The following CRPPA variants were observed in gnomAD, a reference collection of about 807,000 sequenced individuals.
CRPPA encodes D-ribitol-5-phosphate cytidylyltransferase.
Under a neutral mutation model 52.0 loss-of-function variants are expected in CRPPA, and 43 were observed. That is an observed-to-expected ratio of 0.83 (90% CI 0.65 to 1.07). CRPPA has a LOEUF of 1.07. Ranked by LOEUF, CRPPA falls within the 50% of genes least tolerant of loss-of-function variation. CRPPA has a pLI of 0.00. For synonymous variants in CRPPA, 250 were observed against 203.5 expected (o/e 1.23, Z -1.94); for missense variants, 629 against 551.7 (o/e 1.14, Z -1.40).
intron 8 of CRPPA, among the ~76,000 whole-genome samples, chr7:16,217,569 G>C (rs1295626441): frequency 2.0e-4 from 29 of 141,988 alleles, no homozygotes; most frequent in African/African-American, 6.3e-4. Context: ...TGTATAACTA[G>C]AATAACCAAT....
chr7:16,161,556 T>C (rs974029989), intron 9 of CRPPA, among the ~76,000 whole-genome samples: 6 of 152,248 alleles, frequency 3.9e-5, no homozygotes, highest in Non-Finnish European at 1.5e-5. Context: ...GGTGGATAAG[T>C]TTTTTAATGT....
intron 8 of CRPPA, among the ~76,000 whole-genome samples, chr7:16,227,768 T>C (rs539675807): frequency 3.9e-5 from 6 of 151,986 alleles, no homozygotes; most frequent in Non-Finnish European, 1.5e-5. Flanking sequence ...ATTTGTCTAT[T>C]TTTGCTTTCG....
At position 16,091,676 on chromosome 7, in the gene CRPPA, A is replaced by G. The variant is rs768619171; in HGVS notation, c.*19T>C. The G allele has an allele frequency of 3.7e-6, 5 of 1,363,698 alleles. No individual in the cohort carries two copies. Among genetic ancestry groups the G allele is most frequent in the African/African-American group, 1.4e-5 (1 of 69,080 alleles). The allele number at this position is 1,363,698 out of a possible 1,614,324, so 84.5% of individuals were successfully genotyped here. ...TACGCAAATAGATGTTTTAGAAAAT[A>G]GGTAATTTTTTGTGTTCTTCATGCT... On this transcript the variant is annotated 3_prime_UTR_variant, in exon 10 of 10. Coordinates refer to ENST00000407010, the MANE Select transcript of CRPPA (RefSeq NM_001101426.4).
At chr7:16,363,050 G>A (rs1048626119) in intron 3 of CRPPA, among the ~76,000 whole-genome samples, 4 of 152,090 alleles carry the variant, frequency 2.6e-5, no homozygotes, top group African/African-American at 9.7e-5. Flanking sequence ...GGAAAAAAGA[G>A]AAAGCCTAGA....
At chr7:16,400,878 G>A (rs1787798768) in intron 2 of CRPPA, among the ~76,000 whole-genome samples, 1 of 152,194 alleles carries the variant, frequency 6.6e-6, no homozygotes, top group Admixed American at 6.5e-5. Context: ...GGATACAACT[G>A]CTAAATGAAG....
intron 3 of CRPPA, among the ~76,000 whole-genome samples, chr7:16,310,534 T>C (rs937345779): frequency 1.3e-5 from 2 of 152,084 alleles, no homozygotes; most frequent in Non-Finnish European, 2.9e-5. Context: ...AAACTATTAA[T>C]AGATCTAGGA....
At chr7:16,199,059 C>T (rs753595151) in intron 9 of CRPPA, among the ~76,000 whole-genome samples, 6 of 152,090 alleles carry the variant, frequency 3.9e-5, no homozygotes, top group Non-Finnish European at 8.8e-5. Flanking sequence ...CACTGACCAA[C>T]CCTTTGTAAT....
At chr7:16,105,534 C>A (rs192406179) in intron 9 of CRPPA, among the ~76,000 whole-genome samples, 1 of 152,156 alleles carries the variant, frequency 6.6e-6, no homozygotes, top group Non-Finnish European at 1.5e-5. Context: ...ATGACTACAC[C>A]ACTTGGGATC....
At chr7:16,093,884 T>C (rs191321236) in intron 9 of CRPPA, among the ~76,000 whole-genome samples, 3 of 152,286 alleles carry the variant, frequency 2.0e-5, no homozygotes, top group Middle Eastern at 3.4e-3. Context: ...TTTATTAAAT[T>C]GAGACATAAC....
At chr7:16,412,333 A>C (rs1788092534) in intron 1 of CRPPA, among the ~76,000 whole-genome samples, 1 of 152,238 alleles carries the variant, frequency 6.6e-6, no homozygotes. Context: ...TGCGTAGCAC[A>C]GAGATAGGTT....
chr7:16,170,550 T>C (rs1781158899), intron 9 of CRPPA, among the ~76,000 whole-genome samples: 2 of 152,210 alleles, frequency 1.3e-5, no homozygotes, highest in African/African-American at 4.8e-5. Context: ...GCAAGATTTA[T>C]TGCAAAGAGC....
chr7:16,099,172 G>A (rs538189323), intron 9 of CRPPA, among the ~76,000 whole-genome samples: 1 of 151,682 alleles, frequency 6.6e-6, no homozygotes, highest in South Asian at 2.1e-4. Context: ...AGGATCACTT[G>A]AACCCAGGAG....
intron 5 of CRPPA, among the ~76,000 whole-genome samples, chr7:16,282,522 A>G (rs1368968702): frequency 1.3e-5 from 2 of 152,150 alleles, no homozygotes; most frequent in Non-Finnish European, 2.9e-5. Context: ...ATGCACAGAA[A>G]TGATAAAGTA....
intron 9 of CRPPA, among the ~76,000 whole-genome samples, chr7:16,184,874 C>T (rs959526945): frequency 6.6e-6 from 1 of 152,130 alleles, no homozygotes; most frequent in African/African-American, 2.4e-5. Context: ...TTTTAATAAA[C>T]TCATACTCTA....
intron 9 of CRPPA, among the ~76,000 whole-genome samples, chr7:16,203,932 A>C (rs1170830160): frequency 6.6e-6 from 1 of 152,200 alleles, no homozygotes; most frequent in African/African-American, 2.4e-5. Flanking sequence ...ACAAATCTAC[A>C]TAAAGATTTG....
chr7:16,089,174 G>T lies in CRPPA; in HGVS notation c.*2521C>A, dbSNP rs559271885. On this transcript the variant is annotated 3_prime_UTR_variant, in exon 10 of 10. Transcript: ENST00000407010. Reference sequence around the variant, plus strand: ...ATAAAACATAAAAATACATATATACGTACGTATATACATATATGTGTGTAT... The same window carrying T: ...ATAAAACATAAAAATACATATATACTTACGTATATACATATATGTGTGTAT... 2 of 296,178 alleles carry T rather than the reference G, an allele frequency of 6.8e-6. No individual in the cohort carries two copies. The highest frequency in any genetic ancestry group is 5.6e-5 in the South Asian group (2 of 35,712). The allele number at this position is 296,178 out of a possible 1,614,324, so 18.3% of individuals were successfully genotyped here.
At chr7:16,409,289 C>T (rs1788025617) in intron 1 of CRPPA, among the ~76,000 whole-genome samples, 1 of 152,190 alleles carries the variant, frequency 6.6e-6, no homozygotes, top group Admixed American at 6.5e-5. Flanking sequence ...CTTGACACAG[C>T]TCAGTGAAAC....
chr7:16,286,067 AT>A lies in CRPPA; in HGVS notation c.836-7842del, dbSNP rs1562608531. Among the ~76,000 whole-genome samples the A allele has an allele frequency of 5.2e-3, 166 of 32,218 alleles. 22 individuals carry two copies. The highest frequency in any genetic ancestry group is 0.021 in the African/African-American group (120 of 5,790). 21.1% of individuals were successfully genotyped at this position (32,218 alleles called of 152,430 possible). On this transcript the variant is annotated intron_variant, in intron 5 of 9. Transcript: ENST00000407010. The stretch of plus-strand genomic sequence containing the variant: ...TAAATATATATATATATATATATAT[AT>A]ATATATATATATAATATTTAAAAAA...
rs567061594 is a variant in CRPPA at position 16,229,317 on chromosome 7, G to A, written c.1120-13120C>T. On this transcript the variant is annotated intron_variant, in intron 8 of 9. Coordinates refer to ENST00000407010, the MANE Select transcript of CRPPA (RefSeq NM_001101426.4). ...GTACAGACTTACAACTGCCATTTTT[G>A]TGCATTGTTTTCTAGTTGTTTTGCC... 1.9e-4 allele frequency among the ~76,000 whole-genome samples: 29 copies of A among 151,990 alleles called. No individual in the cohort carries two copies. The South Asian group carries it at 5.4e-3, about 28-fold the overall frequency.
Sources: gnomAD v4.1 joint callset for allele counts (sites outside exome capture counted in the v4.1 genomes callset) on GRCh38, gnomAD v4.1.1 for gene constraint, MANE v1.5 for transcripts, NCBI Gene and HGNC (gene_info 2026-07-23, HGNC 2026-07-21) for gene names.